COX10: variants seen among roughly 807,000 people sequenced by gnomAD.
COX10 encodes protoheme IX farnesyltransferase, mitochondrial.
A neutral mutation model predicts 37.3 loss-of-function variants in COX10; 27 were observed. The observed-to-expected ratio is 0.72, with a 90% CI of 0.53 to 1.00. The LOEUF is 1.00. Ranked by LOEUF, COX10 falls within the 50% of genes least tolerant of loss-of-function variation. The pLI, the probability that COX10 is intolerant of heterozygous loss-of-function variation, is 0.00. For synonymous variants in COX10, 222 were observed against 229.1 expected (o/e 0.97, Z 0.28); for missense variants, 475 against 563.2 (o/e 0.84, Z 1.59).
intron 4 of COX10, among the ~76,000 whole-genome samples, chr17:14,147,755 A>G (rs1300991281): frequency 6.7e-6 from 1 of 149,134 alleles, no homozygotes; most frequent in Non-Finnish European, 1.5e-5. Context: ...TACCCCATGT[A>G]CCTACTACGT....
At chr17:14,070,041 A>G (rs1010925685) in intron 1 of COX10, among the ~76,000 whole-genome samples, 4 of 152,226 alleles carry the variant, frequency 2.6e-5, no homozygotes, top group Non-Finnish European at 4.4e-5. Flanking sequence ...GCTTCCACTC[A>G]GAAGCCTTGT....
At chr17:14,176,279 T>A (rs1905685600) in intron 5 of COX10, among the ~76,000 whole-genome samples, 1 of 152,032 alleles carries the variant, frequency 6.6e-6, no homozygotes, top group Non-Finnish European at 1.5e-5. Flanking sequence ...CTGTAATTCA[T>A]TATAAGGGAG....
intron 4 of COX10, among the ~76,000 whole-genome samples, chr17:14,154,231 T>A (rs540601857): frequency 2.0e-5 from 3 of 152,214 alleles, no homozygotes; most frequent in Admixed American, 6.5e-5. Context: ...AATACATAAG[T>A]TGAAACTTAC....
chr17:14,131,333 AT>A (rs1384011689), intron 4 of COX10, among the ~76,000 whole-genome samples: 4 of 152,056 alleles, frequency 2.6e-5, no homozygotes, highest in African/African-American at 4.8e-5. Flanking sequence ...ATATATACAT[AT>A]TTTTTTAATA....
intron 3 of COX10, among the ~76,000 whole-genome samples, chr17:14,087,707 A>G (rs1915441190): frequency 6.7e-6 from 1 of 148,698 alleles, no homozygotes; most frequent in South Asian, 2.1e-4. Context: ...TTTTTAAACC[A>G]TGTCTCTGAA....
intron 4 of COX10, among the ~76,000 whole-genome samples, chr17:14,102,985 C>T (rs577284857): frequency 6.6e-6 from 1 of 152,238 alleles, no homozygotes; most frequent in East Asian, 1.9e-4. Flanking sequence ...GCTGAGTGGA[C>T]ATATAAGTTG....
intron 4 of COX10, among the ~76,000 whole-genome samples, chr17:14,129,277 G>A (rs954987466): frequency 6.6e-6 from 1 of 151,228 alleles, no homozygotes; most frequent in African/African-American, 2.4e-5. Flanking sequence ...TCTCTTTACT[G>A]AAATAACACT....
chr17:14,166,314 C>T (rs916803640), intron 5 of COX10, among the ~76,000 whole-genome samples: 1 of 152,184 alleles, frequency 6.6e-6, no homozygotes, highest in Non-Finnish European at 1.5e-5. Flanking sequence ...GAAGCCAGTG[C>T]TCATTTACCA....
intron 5 of COX10, among the ~76,000 whole-genome samples, chr17:14,171,277 T>C (rs1178411713): frequency 2.0e-5 from 3 of 152,186 alleles, no homozygotes; most frequent in Non-Finnish European, 2.9e-5. Context: ...TTCATTCTCT[T>C]GGAATCACGT....
intron 3 of COX10, among the ~76,000 whole-genome samples, chr17:14,087,743 CA>C (rs1344042947): frequency 1.3e-5 from 2 of 151,334 alleles, no homozygotes; most frequent in African/African-American, 4.9e-5. Context: ...TCCTGTTTCC[CA>C]AATCTGGTTT....
At chr17:14,080,896 T>C (rs757631841) in intron 3 of COX10, among the ~76,000 whole-genome samples, 6 of 152,208 alleles carry the variant, frequency 3.9e-5, no homozygotes, top group Non-Finnish European at 8.8e-5. Flanking sequence ...TAGAAAGGTT[T>C]CATCACCCTG....
chr17:14,128,342 T>C (rs981495668), intron 4 of COX10, among the ~76,000 whole-genome samples: 5 of 152,284 alleles, frequency 3.3e-5, no homozygotes, highest in African/African-American at 1.2e-4. Flanking sequence ...CTGTGAACAT[T>C]AGAAACAATG....
At chr17:14,195,496 A>G (rs1215042933) in intron 6 of COX10, among the ~76,000 whole-genome samples, 3 of 152,244 alleles carry the variant, frequency 2.0e-5, no homozygotes, top group African/African-American at 7.2e-5. Flanking sequence ...TAGTAGTTAC[A>G]CTATCAACAG....
chr17:14,089,550 G>T (rs1915479666), intron 3 of COX10, among the ~76,000 whole-genome samples: 1 of 152,204 alleles, frequency 6.6e-6, no homozygotes, highest in South Asian at 2.1e-4. Flanking sequence ...AGCAAACCAG[G>T]TGGCAAAGCT....
chr17:14,112,042 C>T (rs1916014038), intron 4 of COX10, among the ~76,000 whole-genome samples: 1 of 152,074 alleles, frequency 6.6e-6, no homozygotes. Flanking sequence ...TCTGATTGAG[C>T]GCGTGGCTGA....
chr17:14,146,369 C>G (rs1431717971), intron 4 of COX10, among the ~76,000 whole-genome samples: 1 of 152,042 alleles, frequency 6.6e-6, no homozygotes, highest in Non-Finnish European at 1.5e-5. Context: ...TTATTTTTAG[C>G]AAAGGTGCCA....
At chr17:14,205,979 C>T (rs1006269411) in intron 6 of COX10, among the ~76,000 whole-genome samples, 1 of 152,100 alleles carries the variant, frequency 6.6e-6, no homozygotes, top group African/African-American at 2.4e-5. Flanking sequence ...ATTACAAAGC[C>T]ATAGACAAGT....
Position 14,192,319 on chromosome 17 carries a change from C to G in COX10, c.928+98C>G, listed in dbSNP as rs970684246. The G allele has an allele frequency of 6.8e-6, 11 of 1,613,550 alleles. No individual in the cohort carries two copies. In the African/African-American group the frequency reaches 1.5e-4, roughly 22 times the overall value. ...CACTTGGTTCGATTCCATTCCATCC[C>G]ACATTAATTCTTTTAGCAAATGTGC... On this transcript the variant is annotated intron_variant, in intron 6 of 6. Transcript: ENST00000261643.
chr17:14,104,665 T>C (rs1915853526), intron 4 of COX10, among the ~76,000 whole-genome samples: 1 of 152,124 alleles, frequency 6.6e-6, no homozygotes, highest in Admixed American at 6.5e-5. Flanking sequence ...TAATATTTTC[T>C]TTTAGCAGTT....
Sources: allele counts gnomAD v4.1 joint callset (sites outside exome capture counted in the v4.1 genomes callset), GRCh38; gene constraint gnomAD v4.1.1; transcripts MANE v1.5; gene names NCBI Gene and HGNC (gene_info 2026-07-23, HGNC 2026-07-21).